The following C1QTNF7 variants were observed in gnomAD, a reference collection of about 807,000 sequenced individuals.
C1QTNF7 encodes the protein complement C1q tumor necrosis factor-related protein 7.
A neutral mutation model predicts 19.6 loss-of-function variants in C1QTNF7; 15 were observed. That is an observed-to-expected ratio of 0.76 (90% CI 0.51 to 1.18). C1QTNF7 has a LOEUF of 1.18. Ranked by LOEUF, C1QTNF7 falls within the 50% of genes most tolerant of loss-of-function variation. C1QTNF7 has a pLI of 0.00. For synonymous variants in C1QTNF7, 142 were observed against 137.5 expected (o/e 1.03, Z -0.23); for missense variants, 324 against 359.7 (o/e 0.90, Z 0.80).
intron 1 of C1QTNF7, 86 bp from the exon 2 acceptor site, chr4:15,435,650 T>C (rs1389394419): frequency 6.5e-7 from 1 of 1,546,500 alleles, no homozygotes; most frequent in African/African-American, 1.4e-5. Flanking sequence ...AAATGCACAT[T>C]CTCTTGTTCA....
intron 1 of C1QTNF7, among the ~76,000 whole-genome samples, chr4:15,400,976 A>G (rs963581187): frequency 4.6e-5 from 7 of 152,070 alleles, no homozygotes; most frequent in Non-Finnish European, 1.5e-5. Context: ...CTGCCCACAC[A>G]ATTCTTCTAG....
At chr4:15,437,365 T>C (rs536466742) in intron 2 of C1QTNF7, among the ~76,000 whole-genome samples, 1 of 152,060 alleles carries the variant, frequency 6.6e-6, no homozygotes, top group Non-Finnish European at 1.5e-5. Context: ...TTGTTAAGTT[T>C]AAGGGAAAGA....
chr4:15,382,676 T>C (rs1282247676), intron 1 of C1QTNF7, among the ~76,000 whole-genome samples: 1 of 152,232 alleles, frequency 6.6e-6, no homozygotes, highest in Admixed American at 6.5e-5. Flanking sequence ...CATCATATTG[T>C]TACACATGAT....
chr4:15,422,210 T>TAAAAAAA (rs199592000), intron 1 of C1QTNF7, among the ~76,000 whole-genome samples: 2,679 of 142,816 alleles, frequency 0.019, 40 homozygotes, highest in Middle Eastern at 0.044. Flanking sequence ...TGTTTTTTTT[T>TAAAAAAA]AAAAAAAAAA....
chr4:15,434,847 C>G (rs1398980033), intron 1 of C1QTNF7, among the ~76,000 whole-genome samples: 1 of 152,088 alleles, frequency 6.6e-6, no homozygotes, highest in African/African-American at 2.4e-5. Flanking sequence ...TAATTGAGCC[C>G]CAGTGCTAAC....
chr4:15,355,491 T>C (rs1212561765), intron 1 of C1QTNF7, among the ~76,000 whole-genome samples: 2 of 152,112 alleles, frequency 1.3e-5, no homozygotes, highest in African/African-American at 2.4e-5. Flanking sequence ...GTCATAGATA[T>C]TGAGATCGTG....
intron 1 of C1QTNF7, among the ~76,000 whole-genome samples, chr4:15,389,605 G>A (rs1273811858): frequency 2.0e-5 from 3 of 152,042 alleles, no homozygotes; most frequent in Non-Finnish European, 2.9e-5. Context: ...TTTTAGTAGA[G>A]ACAGGGTTTC....
rs117864498 is a variant in C1QTNF7 at position 15,432,800 on chromosome 4, T to C, written c.-8-2936T>C. Among the ~76,000 whole-genome samples the C allele has an allele frequency of 2.2e-3, 334 of 152,366 alleles. 10 individuals are homozygous for C. The East Asian group carries it at 0.041, about 19-fold the overall frequency. On this transcript the variant is annotated intron_variant, in intron 1 of 2. Coordinates refer to ENST00000444304, the MANE Select transcript of C1QTNF7 (RefSeq NM_031911.5). ...AGCATTTAGACTCCTATACAGGCAG[T>C]AGTATTCTTCCGCACTTGTCATAAA... is the stretch of plus-strand genomic sequence containing the variant.
intron 2 of C1QTNF7, among the ~76,000 whole-genome samples, chr4:15,436,223 A>G (rs542881290): frequency 6.6e-6 from 1 of 152,186 alleles, no homozygotes; most frequent in Non-Finnish European, 1.5e-5. Context: ...AGATGAGAAA[A>G]TTGAGCCACA....
chr4:15,393,886 C>A (rs548209781), intron 1 of C1QTNF7, among the ~76,000 whole-genome samples: 15 of 152,316 alleles, frequency 9.8e-5, no homozygotes, highest in African/African-American at 2.4e-4. Flanking sequence ...TGTTCCCACA[C>A]AAGCCTTCCT....
At chr4:15,382,931 T>C (rs1669588188) in intron 1 of C1QTNF7, among the ~76,000 whole-genome samples, 2 of 152,200 alleles carry the variant, frequency 1.3e-5, no homozygotes, top group African/African-American at 4.8e-5. Context: ...ATTGAACAAA[T>C]ACTTATTAGT....
At chr4:15,394,630 T>G (rs1718713579) in intron 1 of C1QTNF7, among the ~76,000 whole-genome samples, 1 of 152,044 alleles carries the variant, frequency 6.6e-6, no homozygotes, top group African/African-American at 2.4e-5. Flanking sequence ...CACATTTTAC[T>G]TTGTGTAATT....
At chr4:15,401,755 GA>G (rs1430820142) in intron 1 of C1QTNF7, among the ~76,000 whole-genome samples, 13 of 152,192 alleles carry the variant, frequency 8.5e-5, no homozygotes, top group African/African-American at 3.1e-4. Flanking sequence ...CAGAGCTCAG[GA>G]AATCAATGAA....
chr4:15,401,634 G>A (rs771822597), intron 1 of C1QTNF7, among the ~76,000 whole-genome samples: 1 of 152,198 alleles, frequency 6.6e-6, no homozygotes. Flanking sequence ...ACAGAGATCA[G>A]TTCTCTTCAG....
intron 2 of C1QTNF7, among the ~76,000 whole-genome samples, chr4:15,440,779 A>C (rs1712728296): frequency 6.6e-6 from 1 of 152,088 alleles, no homozygotes; most frequent in African/African-American, 2.4e-5. Context: ...TGGTGGTGGC[A>C]GTCATTGTTT....
upstream of C1QTNF7, among the ~76,000 whole-genome samples, chr4:15,425,724 A>G (rs1712011865): frequency 6.6e-6 from 1 of 152,180 alleles, no homozygotes; most frequent in South Asian, 2.1e-4. Flanking sequence ...TCACCTCAAG[A>G]GGTTATGATG....
chr4:15,439,862 T>C (rs1174960544), intron 2 of C1QTNF7, among the ~76,000 whole-genome samples: 1 of 151,996 alleles, frequency 6.6e-6, no homozygotes, highest in Non-Finnish European at 1.5e-5. Flanking sequence ...ATAAAATCAT[T>C]GCTTTTTTAT....
intron 1 of C1QTNF7, among the ~76,000 whole-genome samples, chr4:15,422,443 G>A (rs926938996): frequency 2.0e-5 from 3 of 152,078 alleles, no homozygotes; most frequent in Non-Finnish European, 4.4e-5. Context: ...GAAGACCAAA[G>A]GATCAGGGAA....
chr4:15,350,583 A>G (rs923270920), intron 1 of C1QTNF7, among the ~76,000 whole-genome samples: 5 of 152,148 alleles, frequency 3.3e-5, no homozygotes, highest in African/African-American at 4.8e-5. Context: ...TCTGCTGAAC[A>G]TAGAAATTTA....
Sources: gnomAD v4.1 joint callset for allele counts (sites outside exome capture counted in the v4.1 genomes callset) on GRCh38, gnomAD v4.1.1 for gene constraint, MANE v1.5 for transcripts, NCBI Gene and HGNC (gene_info 2026-07-23, HGNC 2026-07-21) for gene names.